Variants in JAZF1 observed in about 807,000 individuals in gnomAD.
JAZF1 encodes JAZF zinc finger 1.
Under a neutral mutation model 26.4 loss-of-function variants are expected in JAZF1, and 8 were observed. The ratio of observed to expected loss-of-function variants is 0.30; its 90% CI spans 0.18 to 0.55. The LOEUF is 0.55. Among genes scored for constraint, JAZF1 ranks in the 20% least tolerant of loss-of-function variants. The pLI is 0.94. For missense variants in JAZF1, 199 were observed against 322.0 expected (o/e 0.62, Z 2.92); for synonymous variants, 126 against 122.3 (o/e 1.03, Z -0.20).
chr7:27,914,826 C>G, intron 2 of JAZF1: 1 of 471,184 alleles, frequency 2.1e-6, no homozygotes, highest in South Asian at 1.5e-5. Flanking sequence ...AAACAGCCTT[C>G]TGGATTTCAC....
chr7:27,861,719 C>T (rs1340415933), intron 3 of JAZF1, among the ~76,000 whole-genome samples: 1 of 152,110 alleles, frequency 6.6e-6, no homozygotes, highest in Non-Finnish European at 1.5e-5. Context: ...CCTTGAGGAT[C>T]CTTGTCTGTC....
intron 1 of JAZF1, among the ~76,000 whole-genome samples, chr7:28,084,946 A>C (rs561931529): frequency 9.2e-5 from 14 of 152,298 alleles, no homozygotes; most frequent in African/African-American, 2.9e-4. Flanking sequence ...GCTTTAGAAG[A>C]TGAGGCAGAG....
At chr7:27,884,769 C>T (rs1013065768) in intron 3 of JAZF1, among the ~76,000 whole-genome samples, 4 of 152,210 alleles carry the variant, frequency 2.6e-5, no homozygotes, top group African/African-American at 4.8e-5. Context: ...AACTACTTAT[C>T]ATTTTGGGGC....
chr7:28,174,754 C>T (rs1783522456), intron 1 of JAZF1, among the ~76,000 whole-genome samples: 1 of 68,106 alleles, frequency 1.5e-5, no homozygotes, highest in African/African-American at 3.2e-5. Context: ...CCAGTGAAAA[C>T]AGAGTTTTGG....
chr7:28,052,808 A>G (rs1783636742), intron 1 of JAZF1, among the ~76,000 whole-genome samples: 1 of 149,058 alleles, frequency 6.7e-6, no homozygotes, highest in Non-Finnish European at 1.5e-5. Flanking sequence ...AGCGACAAGT[A>G]TGGATACTGG....
At chr7:27,961,790 T>C (rs1225029585) in intron 2 of JAZF1, among the ~76,000 whole-genome samples, 3 of 152,246 alleles carry the variant, frequency 2.0e-5, no homozygotes, top group Non-Finnish European at 4.4e-5. Flanking sequence ...AGAGCAACAC[T>C]GCATTTTAAG....
intron 1 of JAZF1, among the ~76,000 whole-genome samples, chr7:27,996,976 T>C (rs1786030259): frequency 6.6e-6 from 1 of 152,096 alleles, no homozygotes; most frequent in African/African-American, 2.4e-5. Flanking sequence ...AAAGCCCCAC[T>C]AAAATAGAAA....
intron 1 of JAZF1, among the ~76,000 whole-genome samples, chr7:28,123,662 A>G (rs1163260371): frequency 2.0e-5 from 3 of 152,232 alleles, no homozygotes; most frequent in Non-Finnish European, 4.4e-5. Context: ...CTTTCCCAGA[A>G]TTCATTTAAA....
chr7:27,893,214 C>T (rs572931874), intron 3 of JAZF1, among the ~76,000 whole-genome samples: 1 of 152,310 alleles, frequency 6.6e-6, no homozygotes, highest in South Asian at 2.1e-4. Context: ...ATCATCTCCC[C>T]AAACTTACTA....
At chr7:28,128,830 C>T (rs879705229) in intron 1 of JAZF1, among the ~76,000 whole-genome samples, 1 of 152,196 alleles carries the variant, frequency 6.6e-6, no homozygotes, top group Non-Finnish European at 1.5e-5. Context: ...AAAATAAGCA[C>T]ATTCATGGTG....
chr7:28,141,427 A>T (rs1782957459), intron 1 of JAZF1, among the ~76,000 whole-genome samples: 1 of 152,218 alleles, frequency 6.6e-6, no homozygotes, highest in Admixed American at 6.5e-5. Context: ...AGTGCTACTC[A>T]AGCCAGGCCA....
intron 1 of JAZF1, among the ~76,000 whole-genome samples, chr7:28,053,198 C>T (rs889773032): frequency 6.6e-6 from 1 of 152,220 alleles, no homozygotes; most frequent in African/African-American, 2.4e-5. Context: ...TTACACACCA[C>T]ACTTTCTTAA....
Position 27,974,744 on chromosome 7 carries a change from G to C in JAZF1, c.188+17165C>G, listed in dbSNP as rs1785438294. Among the ~76,000 whole-genome samples the C allele has an allele frequency of 2.6e-5, 4 of 152,116 alleles. No homozygotes were observed. The South Asian group carries it at 8.3e-4, about 32-fold the overall frequency. On this transcript the variant is annotated intron_variant, in intron 2 of 4. Coordinates refer to ENST00000283928, the MANE Select transcript of JAZF1 (RefSeq NM_175061.4). ...AATTGAGTGAAGGCAAGTTGTGTTT[G>C]GCTGTTCTTCTGAAGCTATGAAGGA...
At chr7:28,120,501 C>CTTTTTTT (rs58448766) in intron 1 of JAZF1, among the ~76,000 whole-genome samples, 632 of 59,016 alleles carry the variant, frequency 0.011, 98 homozygotes, top group Non-Finnish European at 0.013. Context: ...ACACACAGTT[C>CTTTTTTT]TTTTTTTTTT....
At chr7:28,136,245 GAC>G (rs908932727) in intron 1 of JAZF1, among the ~76,000 whole-genome samples, 2 of 152,212 alleles carry the variant, frequency 1.3e-5, no homozygotes, top group Non-Finnish European at 2.9e-5. Flanking sequence ...AAGAAGCTGG[GAC>G]ACAGAGTTTA....
chr7:28,041,879 T>G (rs1783398179), intron 1 of JAZF1, among the ~76,000 whole-genome samples: 1 of 152,204 alleles, frequency 6.6e-6, no homozygotes, highest in Non-Finnish European at 1.5e-5. Flanking sequence ...ACTGTTTGAC[T>G]TTCAAAGAAT....
chr7:27,908,269 T>C (rs1784297229), intron 2 of JAZF1, among the ~76,000 whole-genome samples: 3 of 152,070 alleles, frequency 2.0e-5, no homozygotes, highest in Non-Finnish European at 4.4e-5. Context: ...ATTAGCATTG[T>C]TGAAAGATAG....
At chr7:28,115,917 G>GT (rs1037164055) in intron 1 of JAZF1, among the ~76,000 whole-genome samples, 6 of 151,880 alleles carry the variant, frequency 4.0e-5, no homozygotes, top group African/African-American at 4.8e-5. Flanking sequence ...CTTTGGTGGG[G>GT]TTTTTTTTCC....
intron 2 of JAZF1, among the ~76,000 whole-genome samples, chr7:27,922,885 G>C (rs1408633697): frequency 2.0e-5 from 3 of 152,142 alleles, no homozygotes; most frequent in African/African-American, 7.2e-5. Context: ...ATCAACATTC[G>C]CCTAGAAGCC....
Sources: gnomAD v4.1 joint callset for allele counts (sites outside exome capture counted in the v4.1 genomes callset) on GRCh38, gnomAD v4.1.1 for gene constraint, MANE v1.5 for transcripts, NCBI Gene and HGNC (gene_info 2026-07-23, HGNC 2026-07-21) for gene names.